Variants in PKHD1 observed in about 807,000 individuals in gnomAD.
PKHD1 encodes PKHD1 ciliary IPT domain containing fibrocystin/polyductin.
Under a neutral mutation model 412.0 loss-of-function variants are expected in PKHD1, and 291 were observed. The ratio of observed to expected loss-of-function variants is 0.71; its 90% CI spans 0.64 to 0.78. The LOEUF (loss-of-function observed/expected upper bound fraction) is 0.78, where lower values mean the gene tolerates loss of function less well. Ranked by LOEUF, PKHD1 falls within the 30% of genes least tolerant of loss-of-function variation. The pLI is 0.00. For missense variants in PKHD1, 4,825 were observed against 4,950.7 expected, an observed-to-expected ratio of 0.97 and a Z score of 0.76; for synonymous variants, 1,777 against 1,821.5, an observed-to-expected ratio of 0.98 and a Z score of 0.62.
intron 51 of PKHD1, among the ~76,000 whole-genome samples, chr6:51,835,599 A>C (rs1005000758): frequency 6.6e-6 from 1 of 152,214 alleles, no homozygotes; most frequent in Non-Finnish European, 1.5e-5. Context: ...ATGAAGGACA[A>C]GGAACATAAA....
intron 52 of PKHD1, among the ~76,000 whole-genome samples, chr6:51,796,396 C>T (rs1794600310): frequency 6.8e-6 from 1 of 147,436 alleles, no homozygotes. Flanking sequence ...TCTTCTCTTT[C>T]TTCTTTATTA....
At chr6:51,895,143 T>G (rs1779698523) in intron 43 of PKHD1, among the ~76,000 whole-genome samples, 1 of 152,184 alleles carries the variant, frequency 6.6e-6, no homozygotes, top group Non-Finnish European at 1.5e-5. Context: ...CTGTATATCA[T>G]CCATACAGGA....
chr6:51,706,461 C>T (rs1388556819), intron 60 of PKHD1, among the ~76,000 whole-genome samples: 1 of 135,856 alleles, frequency 7.4e-6, no homozygotes, highest in African/African-American at 2.8e-5. Context: ...ATATATATAT[C>T]ATCTCTAATT....
intron 61 of PKHD1, among the ~76,000 whole-genome samples, chr6:51,649,486 A>G (rs1770597230): frequency 6.6e-6 from 1 of 152,154 alleles, no homozygotes; most frequent in Non-Finnish European, 1.5e-5. Context: ...CATTTATTAA[A>G]ATCAGCCAAA....
intron 65 of PKHD1, among the ~76,000 whole-genome samples, chr6:51,627,523 C>G (rs1197438622): frequency 6.6e-6 from 1 of 151,870 alleles, no homozygotes; most frequent in Admixed American, 6.6e-5. Flanking sequence ...ATGTGCCTTG[C>G]ATATGTGGCT....
intron 61 of PKHD1, among the ~76,000 whole-genome samples, chr6:51,652,185 G>C (rs189836089): frequency 4.5e-4 from 68 of 152,082 alleles, no homozygotes; most frequent in Non-Finnish European, 1.0e-4. Context: ...AGGTATGTGA[G>C]AGATTTTTTT....
chr6:51,909,987 A>C (rs1010335509), intron 39 of PKHD1, among the ~76,000 whole-genome samples: 1 of 152,166 alleles, frequency 6.6e-6, no homozygotes, highest in African/African-American at 2.4e-5. Flanking sequence ...CCAGAGAAGC[A>C]ACTGAGCAGC....
At chr6:52,056,308 C>T (rs561411438) in intron 18 of PKHD1, among the ~76,000 whole-genome samples, 3 of 152,290 alleles carry the variant, frequency 2.0e-5, no homozygotes, top group Admixed American at 2.0e-4. Flanking sequence ...CATACCCTAA[C>T]ATTTTAAGAA....
chr6:52,017,276 G>A lies in PKHD1; in HGVS notation c.5600+134C>T, dbSNP rs1735018461. The A allele has an allele frequency of 4.1e-6, 3 of 732,180 alleles. No homozygotes were observed. In the Admixed American group the frequency reaches 5.9e-5, roughly 14 times the overall value. 45.4% of individuals were successfully genotyped at this position (732,180 alleles called of 1,614,324 possible). A position where few individuals can be genotyped will look rare whatever the true frequency, so the allele number is the denominator to read the frequency against. ...GCTGGCTGGAATCCACAATGGAATG[G>A]CCCCTCCAAGAGAGTTGTAGCCCTT... On this transcript the variant is annotated intron_variant, in intron 34 of 66. Transcript: ENST00000371117.
At position 51,906,242 on chromosome 6, in the gene PKHD1, T is replaced by C; in HGVS notation, c.6781A>G (p.Asn2261Asp). The C allele has an allele frequency of 1.2e-6, 2 of 1,612,044 alleles. No individual in the cohort carries two copies. The highest frequency in any genetic ancestry group is 1.7e-6 in the Non-Finnish European group (2 of 1,178,406). The change falls in exon 41 of 67, where the codon AAT (asparagine) becomes GAT (aspartate). Residue 2261 changes from asparagine (N) to aspartate (D), a missense_variant. Coordinates refer to ENST00000371117, the MANE Select transcript of PKHD1 (RefSeq NM_138694.4). Reference protein sequence around the residue: ...GLKVDSNVFYNILGHALLVGT... With the variant: ...GLKVDSNVFYDILGHALLVGT... ...ACTAGCAGCGCATGACCTAAAATATTGTAGAATACATTACTGTCCACCTTC... is the reference window on the plus strand; with the variant it reads ...ACTAGCAGCGCATGACCTAAAATATCGTAGAATACATTACTGTCCACCTTC...
intron 21 of PKHD1, 31 bp downstream of exon 21, chr6:52,053,045 G>T: frequency 6.2e-7 from 1 of 1,607,518 alleles, no homozygotes; most frequent in Non-Finnish European, 8.5e-7. Context: ...CATGTGACCG[G>T]CTTGTGGAGG....
At chr6:52,030,991 A>T (rs903407421) in intron 29 of PKHD1, among the ~76,000 whole-genome samples, 1 of 152,158 alleles carries the variant, frequency 6.6e-6, no homozygotes, top group East Asian at 1.9e-4. Context: ...AGTAAAAAAA[A>T]AATAGGACCA....
chr6:52,007,131 G>A (rs1002306375), intron 35 of PKHD1, among the ~76,000 whole-genome samples: 4 of 152,238 alleles, frequency 2.6e-5, no homozygotes, highest in South Asian at 4.1e-4. Flanking sequence ...TTACAATTGC[G>A]AATTGTGCTG....
At chr6:52,082,169 C>T (rs997776440) in intron 4 of PKHD1, among the ~76,000 whole-genome samples, 2 of 152,158 alleles carry the variant, frequency 1.3e-5, no homozygotes, top group Non-Finnish European at 2.9e-5. Context: ...TCCAGCCCCT[C>T]CTTACGAATA....
Position 51,906,203 on chromosome 6 carries a change from T to C in PKHD1, c.6808+12A>G. The C allele has an allele frequency of 2.5e-6, 4 of 1,609,176 alleles. No homozygotes were observed. Among genetic ancestry groups the C allele is most frequent in the Non-Finnish European group, 3.4e-6 (4 of 1,175,962 alleles). ...CAAGAATGCAGAAATTCAACAAGCT[T>C]GTTTTACTTACCAACTAGCAGCGCA... On this transcript the variant is annotated intron_variant, in intron 41 of 66. Transcript: ENST00000371117.
At chr6:51,987,072 AG>A (rs1291004338) in intron 35 of PKHD1, among the ~76,000 whole-genome samples, 3 of 152,234 alleles carry the variant, frequency 2.0e-5, no homozygotes, top group African/African-American at 7.2e-5. Context: ...GACTACTATT[AG>A]GTACACAGGA....
At chr6:51,923,613 C>T (rs1237829551) in intron 37 of PKHD1, among the ~76,000 whole-genome samples, 1 of 151,640 alleles carries the variant, frequency 6.6e-6, no homozygotes, top group Non-Finnish European at 1.5e-5. Context: ...AAATCAAAGG[C>T]AGAAACCATA....
chr6:51,897,166 C>A (rs1253520901), intron 43 of PKHD1, among the ~76,000 whole-genome samples: 1 of 152,074 alleles, frequency 6.6e-6, no homozygotes, highest in African/African-American at 2.4e-5. Context: ...GAGAGAACGC[C>A]ACAAAGATAT....
intron 23 of PKHD1, 24 bp from the exon 24 acceptor site, chr6:52,046,212 G>A (rs1805801512): frequency 6.5e-7 from 1 of 1,544,464 alleles, no homozygotes; most frequent in African/African-American, 1.4e-5. Flanking sequence ...TTTTGATACA[G>A]AAAACACAGA....
Sources: allele counts gnomAD v4.1 joint callset (sites outside exome capture counted in the v4.1 genomes callset), GRCh38; gene constraint gnomAD v4.1.1; transcripts MANE v1.5; gene names NCBI Gene and HGNC (gene_info 2026-07-23, HGNC 2026-07-21).